Variants in TTC21B observed in about 807,000 individuals in gnomAD.
The protein encoded by TTC21B is tetratricopeptide repeat protein 21B.
Under a neutral mutation model 175.1 loss-of-function variants are expected in TTC21B, and 127 were observed. The ratio of observed to expected loss-of-function variants is 0.73; its 90% confidence interval spans 0.63 to 0.84. The LOEUF (loss-of-function observed/expected upper bound fraction) is 0.84, where lower values mean the gene tolerates loss of function less well. Among genes scored for constraint, TTC21B ranks in the 40% least tolerant of loss-of-function variants. TTC21B has a pLI of 0.00. For missense variants in TTC21B, 1,561 were observed against 1,558.3 expected, an observed-to-expected ratio of 1.00 and a Z score of -0.03; for synonymous variants, 524 against 524.5, an observed-to-expected ratio of 1.00 and a Z score of 0.01.
At chr2:165,940,928 C>A (rs1410048746) in intron 6 of TTC21B, 99 bp downstream of exon 6, 2 of 1,365,662 alleles carry the variant, frequency 1.5e-6, no homozygotes, top group African/African-American at 1.4e-5. Flanking sequence ...TGAAAAAAAT[C>A]AAATTTAAAA....
chr2:165,898,653 T>C lies in TTC21B; in HGVS notation c.2950+33A>G. On this transcript the variant is annotated intron_variant, in intron 22 of 28. Coordinates refer to ENST00000243344, the MANE Select transcript of TTC21B (RefSeq NM_024753.5). ...AAAAAAGGAGAAAGGGAGGGGTGACTGCACTCAAAAAATACAATAAGTAGG... is the reference window on the plus strand; with the variant it reads ...AAAAAAGGAGAAAGGGAGGGGTGACCGCACTCAAAAAATACAATAAGTAGG... 2.9e-6 allele frequency: 4 copies of C among 1,402,446 alleles called. No homozygotes were observed. The South Asian group carries it at 3.5e-5, about 12-fold the overall frequency. 86.9% of individuals were successfully genotyped at this position (1,402,446 alleles called of 1,614,324 possible). A position where few individuals can be genotyped will look rare whatever the true frequency, so the allele number is the denominator to read the frequency against.
chr2:165,899,717 T>A, intron 21 of TTC21B, 53 bp downstream of exon 21: 1 of 1,252,888 alleles, frequency 8.0e-7, no homozygotes. Context: ...GGGTAAAATT[T>A]AAAACTTATA....
intron 19 of TTC21B, among the ~76,000 whole-genome samples, chr2:165,906,464 A>C (rs1215110485): frequency 6.6e-6 from 1 of 152,054 alleles, no homozygotes; most frequent in African/African-American, 2.4e-5. Flanking sequence ...TTTTCACTGC[A>C]TTTGTAGACA....
chr2:165,912,515 A>G lies in TTC21B; in HGVS notation c.2321T>C (p.Met774Thr). ...TATTTCAAACAATAAAGTACTTACCATTGAGTAGTTATGAGTTTTGATAAG... is the reference window on the plus strand; with the variant it reads ...TATTTCAAACAATAAAGTACTTACCGTTGAGTAGTTATGAGTTTTGATAAG... Reference protein sequence around the residue: ...KALIKTHNYSMAITYYEAALK... With the variant: ...KALIKTHNYSTAITYYEAALK... Residue 774 changes from methionine (M) to threonine (T), a missense_variant and splice_region_variant, in exon 17 of 29, where the codon ATG becomes ACG. Met to Thr is a moderately conservative substitution (Grantham distance 81). Coordinates refer to ENST00000243344, the MANE Select transcript of TTC21B (RefSeq NM_024753.5). 1 of 1,610,404 alleles carries G rather than the reference A, an allele frequency of 6.2e-7. No homozygotes were observed. Among genetic ancestry groups the G allele is most frequent in the Middle Eastern group, 1.7e-4 (1 of 6,046 alleles).
intron 9 of TTC21B, 97 bp downstream of exon 9, chr2:165,930,075 A>G: frequency 7.9e-7 from 1 of 1,263,692 alleles, no homozygotes; most frequent in Non-Finnish European, 1.1e-6. Context: ...TTAAGTTTAG[A>G]AAACCACAAA....
Position 165,874,480 on chromosome 2 carries a change from AT to A in TTC21B, c.*274del. On this transcript the variant is annotated 3_prime_UTR_variant, in exon 29 of 29. Coordinates refer to ENST00000243344, the MANE Select transcript of TTC21B (RefSeq NM_024753.5). ...TTAATTACCTAGATTTTAACAAAAT[AT>A]TCTTTATAGAAATAATTATAGTCTT... The A allele has an allele frequency of 3.5e-6, 1 of 286,518 alleles. No individual in the cohort carries two copies. The highest frequency in any genetic ancestry group is 6.6e-6 in the Non-Finnish European group (1 of 151,174). The allele number at this position is 286,518 out of a possible 1,614,324, so 17.7% of individuals were successfully genotyped here.
At chr2:165,945,921 G>A (rs1033412542) in intron 3 of TTC21B, among the ~76,000 whole-genome samples, 2 of 152,098 alleles carry the variant, frequency 1.3e-5, no homozygotes, top group African/African-American at 4.8e-5. Context: ...ATATATCTAA[G>A]ATATAATTTC....
rs181532085 is a variant in TTC21B, at chr2:165,888,811, A to C, written c.3264-337T>G. ...AAACTATAAGTAGAATCAGAAAATTAACATATATCTATTCAAAAAGTGAAA... is the reference window on the plus strand; with the variant it reads ...AAACTATAAGTAGAATCAGAAAATTCACATATATCTATTCAAAAAGTGAAA... On this transcript the variant is annotated intron_variant, in intron 24 of 28. Transcript: ENST00000243344. Among the ~76,000 whole-genome samples, 5 of 152,262 alleles carry C rather than the reference A, an allele frequency of 3.3e-5. No individual in the cohort carries two copies. The East Asian group carries it at 9.6e-4, about 29-fold the overall frequency.
rs1387264461 is a variant in TTC21B, at chr2:165,888,271, C to A, written c.3459+8G>T. 1.2e-6 allele frequency: 2 copies of A among 1,603,918 alleles called. No homozygotes were observed. The highest frequency in any genetic ancestry group is 1.7e-6 in the Non-Finnish European group (2 of 1,170,824). ...ACCACATGAAGCTGAAAAAGGAAAT[C>A]CACTAACCTCAGATGCTGCTATTTC... On this transcript the variant is annotated splice_region_variant and intron_variant, in intron 25 of 28. Coordinates refer to ENST00000243344, the MANE Select transcript of TTC21B (RefSeq NM_024753.5).
chr2:165,900,078 A>G (rs1685505900), intron 20 of TTC21B, among the ~76,000 whole-genome samples, 198 bp from the exon 21 acceptor site: 1 of 148,744 alleles, frequency 6.7e-6, no homozygotes, highest in African/African-American at 2.5e-5. Context: ...AAAAAAAAAC[A>G]GAGAAACAGG....
intron 22 of TTC21B, among the ~76,000 whole-genome samples, chr2:165,898,345 A>G (rs1327457439): frequency 6.6e-6 from 1 of 152,156 alleles, no homozygotes; most frequent in Non-Finnish European, 1.5e-5. Context: ...TCTCTTAGTG[A>G]AGTAGGTGGC....
chr2:165,914,691 G>GTGTGTC (rs1553511411), intron 15 of TTC21B, among the ~76,000 whole-genome samples: 23 of 148,252 alleles, frequency 1.6e-4, no homozygotes, highest in African/African-American at 5.7e-4. Context: ...GTGTGTGTGT[G>GTGTGTC]TGTGTGTTGT....
At chr2:165,891,036 C>A (rs759837933) in intron 22 of TTC21B, 48 bp from the exon 23 acceptor site, 36 of 1,477,090 alleles carry the variant, frequency 2.4e-5, no homozygotes, top group Admixed American at 6.8e-5. Flanking sequence ...TATACTGTTT[C>A]TTTTGTTGGT....
intron 22 of TTC21B, among the ~76,000 whole-genome samples, chr2:165,894,558 A>C (rs1032574997): frequency 6.6e-6 from 1 of 152,204 alleles, no homozygotes; most frequent in African/African-American, 2.4e-5. Context: ...TCACATAGAC[A>C]ATAAAAATTT....
intron 20 of TTC21B, 40 bp downstream of exon 20, chr2:165,901,682 C>T (rs200780634): frequency 1.9e-6 from 3 of 1,572,060 alleles, no homozygotes; most frequent in African/African-American, 1.4e-5. Context: ...TAGAAGACAT[C>T]TGGAATAAAA....
intron 22 of TTC21B, among the ~76,000 whole-genome samples, chr2:165,891,574 A>AATTCATTCATTCATTC (rs3032516): frequency 4.7e-5 from 7 of 149,424 alleles, no homozygotes; most frequent in Admixed American, 1.3e-4. Context: ...TTCTAAAAAA[A>AATTCATTCATTCATTC]ATTCATTCAT....
chr2:165,904,432 T>C (rs1386072841), intron 19 of TTC21B, among the ~76,000 whole-genome samples: 3 of 152,200 alleles, frequency 2.0e-5, no homozygotes, highest in Admixed American at 2.0e-4. Flanking sequence ...GAAACTTGGG[T>C]ATGCACGCAC....
chr2:165,931,751 C>T lies in TTC21B; in HGVS notation c.894+7G>A. The T allele has an allele frequency of 6.2e-7, 1 of 1,609,892 alleles. No homozygotes were observed. Among genetic ancestry groups the T allele is most frequent in the Non-Finnish European group, 8.5e-7 (1 of 1,176,292 alleles). ...ACAGAGCTCTGGTACATGGTAGGCA[C>T]TCTCACAGTTCTGCTGAAGGCGAGT... On this transcript the variant is annotated splice_region_variant and intron_variant, in intron 8 of 28. Coordinates refer to ENST00000243344, the MANE Select transcript of TTC21B (RefSeq NM_024753.5).
intron 19 of TTC21B, among the ~76,000 whole-genome samples, chr2:165,905,519 G>A (rs1264709979): frequency 6.6e-6 from 1 of 152,030 alleles, no homozygotes; most frequent in African/African-American, 2.4e-5. Flanking sequence ...AGACAAAGGA[G>A]ATTTTAAAGC....
Sources: allele counts gnomAD v4.1 joint callset (sites outside exome capture counted in the v4.1 genomes callset), GRCh38; gene constraint gnomAD v4.1.1; transcripts MANE v1.5; gene names NCBI Gene and HGNC (gene_info 2026-07-23, HGNC 2026-07-21).